The following MMS22L variants were observed in gnomAD, a reference collection of about 807,000 sequenced individuals.
MMS22L encodes the protein protein MMS22-like.
MMS22L carries 74 observed loss-of-function variants against 159.1 expected under a neutral mutation model. That is an observed-to-expected ratio of 0.47 (90% CI 0.39 to 0.56). The LOEUF is 0.56. MMS22L is among the 20% of genes least tolerant of loss of function. MMS22L has a pLI of 0.00. For synonymous variants in MMS22L, 517 were observed against 506.9 expected (o/e 1.02, Z -0.27); for missense variants, 1,351 against 1,422.1 (o/e 0.95, Z 0.80).
At chr6:97,152,226 G>C (rs1350603456) in intron 22 of MMS22L, among the ~76,000 whole-genome samples, 1 of 151,792 alleles carries the variant, frequency 6.6e-6, no homozygotes, top group East Asian at 1.9e-4. Flanking sequence ...TTACAGACAG[G>C]CAGATTGATT....
chr6:97,164,242 A>G (rs1344236113), intron 21 of MMS22L, among the ~76,000 whole-genome samples: 2 of 151,738 alleles, frequency 1.3e-5, no homozygotes, highest in East Asian at 3.9e-4. Flanking sequence ...GACACTAAGA[A>G]CTCAAAAAGG....
intron 9 of MMS22L, among the ~76,000 whole-genome samples, chr6:97,255,895 T>G (rs544553503): frequency 5.6e-4 from 86 of 152,270 alleles, no homozygotes; most frequent in African/African-American, 2.0e-3. Flanking sequence ...AATGCTTTTT[T>G]GTTTTAAAGT....
intron 14 of MMS22L, among the ~76,000 whole-genome samples, chr6:97,187,378 C>G (rs1805361732): frequency 6.6e-6 from 1 of 152,032 alleles, no homozygotes; most frequent in South Asian, 2.1e-4. Flanking sequence ...TAGAAACGTG[C>G]AGGAAATTGA....
At position 97,145,165 on chromosome 6, in the gene MMS22L, G is replaced by A. The variant is rs1800877442; in HGVS notation, c.*1641C>T. 1 of 151,728 alleles carries A rather than the reference G, an allele frequency of 6.6e-6. No homozygotes were observed. Among genetic ancestry groups the A allele is most frequent in the African/African-American group, 2.4e-5 (1 of 41,226 alleles). The allele number at this position is 151,728 out of a possible 1,614,324, so 9.4% of individuals were successfully genotyped here. Reference sequence around the variant, plus strand: ...GAACTTTCCAAGCCATACATTATTTGTTTAGTAAGTCACTATCATGATGAA... The same window carrying A: ...GAACTTTCCAAGCCATACATTATTTATTTAGTAAGTCACTATCATGATGAA... On this transcript the variant is annotated 3_prime_UTR_variant, in exon 25 of 25. Transcript: ENST00000683635.
At chr6:97,206,823 T>G (rs2127924208) in intron 14 of MMS22L, among the ~76,000 whole-genome samples, 1 of 152,298 alleles carries the variant, frequency 6.6e-6, no homozygotes, top group African/African-American at 2.4e-5. Context: ...AACTAAGTAC[T>G]GTCCAATGTT....
chr6:97,246,207 C>A, intron 11 of MMS22L: 1 of 443,960 alleles, frequency 2.3e-6, no homozygotes, highest in Non-Finnish European at 4.5e-6. Flanking sequence ...GAAACTAGGA[C>A]CTTATCAGTT....
chr6:97,246,554 C>A, intron 11 of MMS22L, 74 bp downstream of exon 11: 1 of 1,206,144 alleles, frequency 8.3e-7, no homozygotes, highest in South Asian at 1.5e-5. Context: ...TAACAGCTTG[C>A]TTGGTTTTAA....
At chr6:97,260,092 G>C (rs1814293457) in intron 9 of MMS22L, 1 of 152,108 alleles carries the variant, frequency 6.6e-6, no homozygotes, top group South Asian at 2.1e-4. Context: ...AGAGGACTTG[G>C]AGATTTTTTC....
At chr6:97,280,832 T>C (rs1427082846) in intron 3 of MMS22L, among the ~76,000 whole-genome samples, 1 of 152,072 alleles carries the variant, frequency 6.6e-6, no homozygotes, top group Non-Finnish European at 1.5e-5. Context: ...ATGCTTAAAA[T>C]TTTTCATTAA....
intron 17 of MMS22L, 43 bp downstream of exon 17, chr6:97,179,365 C>T (rs1225583765): frequency 6.4e-7 from 1 of 1,557,514 alleles, no homozygotes. Flanking sequence ...AATAGCTTTC[C>T]ATAGATACCC....
intron 8 of MMS22L, chr6:97,266,974 T>A (rs1003460655): frequency 6.6e-6 from 1 of 152,172 alleles, no homozygotes; most frequent in African/African-American, 2.4e-5. Context: ...ACTAGAAGCA[T>A]AGATTTTAAG....
intron 22 of MMS22L, 30 bp downstream of exon 22, chr6:97,161,972 A>G (rs991728802): frequency 4.4e-6 from 7 of 1,592,280 alleles, no homozygotes; most frequent in South Asian, 1.2e-5. Flanking sequence ...TAAAAAGAAA[A>G]TGGTAACAAA....
At chr6:97,194,406 G>A (rs965313219) in intron 14 of MMS22L, among the ~76,000 whole-genome samples, 5 of 152,050 alleles carry the variant, frequency 3.3e-5, no homozygotes, top group African/African-American at 1.2e-4. Flanking sequence ...GGTGCACCAT[G>A]CTGTGGGCAG....
chr6:97,242,498 C>T (rs571520776), intron 11 of MMS22L, among the ~76,000 whole-genome samples: 1 of 152,218 alleles, frequency 6.6e-6, no homozygotes, highest in South Asian at 2.1e-4. Context: ...TGTGTTAAGT[C>T]TCTTGGAGAC....
intron 9 of MMS22L, among the ~76,000 whole-genome samples, chr6:97,255,486 T>A (rs1359515818): frequency 2.6e-5 from 4 of 152,124 alleles, no homozygotes; most frequent in Non-Finnish European, 5.9e-5. Flanking sequence ...CATAATTTTT[T>A]GTTATTTTTA....
At chr6:97,257,525 G>A (rs879598559) in intron 9 of MMS22L, among the ~76,000 whole-genome samples, 1 of 152,030 alleles carries the variant, frequency 6.6e-6, no homozygotes, top group Non-Finnish European at 1.5e-5. Flanking sequence ...GCAAAATTCT[G>A]GGCTCAAGTG....
intron 14 of MMS22L, among the ~76,000 whole-genome samples, chr6:97,198,871 A>G (rs986583862): frequency 6.6e-6 from 1 of 152,112 alleles, no homozygotes; most frequent in African/African-American, 2.4e-5. Context: ...ATGCTGAGAC[A>G]TTTTATGTAT....
At chr6:97,259,365 TGA>T (rs1488520147) in intron 9 of MMS22L, 2 of 152,206 alleles carry the variant, frequency 1.3e-5, no homozygotes, top group African/African-American at 2.4e-5. Context: ...GTTTTCTCGT[TGA>T]GAGTTACATT....
rs753067035 is a variant in MMS22L, at chr6:97,246,635, C to G, written c.1175G>C (p.Ser392Thr). 1.2e-6 allele frequency: 2 copies of G among 1,611,106 alleles called. No homozygotes were observed. The highest frequency in any genetic ancestry group is 3.4e-5 in the Admixed American group (2 of 59,666). ...FVEELLKKSI[S>T]VQGVILEEQL... Reference sequence around the variant, plus strand: ...CTTACTTTAATTGCATACCTGAACACTGATGGACTTTTTCAGCAGTTCTTC... The same window carrying G: ...CTTACTTTAATTGCATACCTGAACAGTGATGGACTTTTTCAGCAGTTCTTC... Residue 392 changes from serine to threonine, a missense_variant, in exon 11 of 25, where the codon AGT (serine) becomes ACT (threonine). Transcript: ENST00000683635.
Sources: gnomAD v4.1 joint callset for allele counts (sites outside exome capture counted in the v4.1 genomes callset) on GRCh38, gnomAD v4.1.1 for gene constraint, MANE v1.5 for transcripts, NCBI Gene and HGNC (gene_info 2026-07-23, HGNC 2026-07-21) for gene names.